DGKZ: variants seen among roughly 807,000 people sequenced by gnomAD.
DGKZ encodes diacylglycerol kinase zeta.
Under a neutral mutation model 142.5 loss-of-function variants are expected in DGKZ, and 45 were observed. The ratio of observed to expected loss-of-function variants is 0.32; its 90% CI spans 0.25 to 0.40. DGKZ has a LOEUF of 0.40. Among genes scored for constraint, DGKZ ranks in the 10% least tolerant of loss-of-function variants. The pLI is 1.00. For missense variants in DGKZ, 755 were observed against 1,306.5 expected (o/e 0.58, Z 6.51); for synonymous variants, 442 against 527.0 (o/e 0.84, Z 2.21).
chr11:46,374,598 C>T lies in DGKZ; in HGVS notation c.1462-6C>T, dbSNP rs1944336422. On this transcript the variant is annotated splice_region_variant and splice_polypyrimidine_tract_variant and intron_variant, in intron 16 of 30. Transcript: ENST00000527911. ...AGCAGATGGTGACGCCCTCTGTCTCCCACAGACAGCTTTCTCTGACTTCCT... is the reference window on the plus strand; with the variant it reads ...AGCAGATGGTGACGCCCTCTGTCTCTCACAGACAGCTTTCTCTGACTTCCT... 6.3e-7 allele frequency: 1 copy of T among 1,583,450 alleles called. No homozygotes were observed. Among genetic ancestry groups the T allele is most frequent in the South Asian group, 1.2e-5 (1 of 86,516 alleles).
intron 1 of DGKZ, among the ~76,000 whole-genome samples, chr11:46,342,200 C>T (rs1382188922): frequency 6.6e-6 from 1 of 152,196 alleles, no homozygotes; most frequent in East Asian, 1.9e-4. Context: ...AGGGCTGGCA[C>T]ATGTTGTCCT....
chr11:46,380,265 G>A (rs1400779838), exon 31 of DGKZ: 8 of 228,822 alleles, frequency 3.5e-5, no homozygotes, highest in Non-Finnish European at 6.9e-5. Context: ...CAGGAGTGGA[G>A]GGGCTGGAGA....
At chr11:46,358,268 A>G (rs980705347) in intron 1 of DGKZ, among the ~76,000 whole-genome samples, 6 of 152,220 alleles carry the variant, frequency 3.9e-5, no homozygotes, top group African/African-American at 9.6e-5. Context: ...CATTAATTTT[A>G]TAAAGTCTAG....
At chr11:46,377,390 C>A in intron 25 of DGKZ, 178 bp downstream of exon 25, 1 of 1,218,768 alleles carries the variant, frequency 8.2e-7, no homozygotes, top group Non-Finnish European at 1.1e-6. Context: ...AGCGGCCTCA[C>A]GTCCACCCTG....
chr11:46,340,815 T>C (rs1940240848), intron 1 of DGKZ, among the ~76,000 whole-genome samples: 1 of 152,166 alleles, frequency 6.6e-6, no homozygotes, highest in Non-Finnish European at 1.5e-5. Flanking sequence ...GGTGCCCAGA[T>C]CACAGGCATA....
chr11:46,355,178 G>A (rs1941853880), intron 1 of DGKZ, among the ~76,000 whole-genome samples: 1 of 151,920 alleles, frequency 6.6e-6, no homozygotes, highest in Admixed American at 6.6e-5. Flanking sequence ...GTGCGATCTC[G>A]GCTCACTGCC....
rs998856773 is a variant in DGKZ at position 46,367,537 on chromosome 11, G to A, written c.271-115G>A. ...ACAGTGGGGCAGACGGAACAGAGCA[G>A]GGTCGATCGGGGCGCTGGAGTGGGT... On this transcript the variant is annotated intron_variant, in intron 2 of 30. Coordinates refer to ENST00000527911, the Ensembl canonical transcript of DGKZ. This position sits in a 1 kb window ranked among gnomAD's most constrained non-coding sequence, Gnocchi z 4.1. 3 of 1,266,108 alleles carry A rather than the reference G, an allele frequency of 2.4e-6. No individual in the cohort carries two copies. In the African/African-American group the frequency reaches 4.5e-5, roughly 19 times the overall value. The allele number at this position is 1,266,108 out of a possible 1,614,324, so 78.4% of individuals were successfully genotyped here.
chr11:46,350,027 T>A (rs1353078723), intron 1 of DGKZ, among the ~76,000 whole-genome samples: 1 of 152,194 alleles, frequency 6.6e-6, no homozygotes, highest in Non-Finnish European at 1.5e-5. Flanking sequence ...GGAGTGTAAG[T>A]GCTCTTATAG....
At chr11:46,335,427 G>GCACACACA (rs56935902) in intron 1 of DGKZ, among the ~76,000 whole-genome samples, 2 of 147,842 alleles carry the variant, frequency 1.4e-5, no homozygotes, top group African/African-American at 2.5e-5. Flanking sequence ...ACACGTGCAC[G>GCACACACA]CACACACACA....
intron 24 of DGKZ, chr11:46,376,784 C>CA: frequency 1.4e-6 from 1 of 695,884 alleles, no homozygotes; most frequent in East Asian, 2.7e-5. Context: ...GGGTACCTAC[C>CA]AAAGGCTTGC....
chr11:46,368,611 A>G (rs1039107520), intron 4 of DGKZ: 43 of 263,664 alleles, frequency 1.6e-4, no homozygotes, highest in Non-Finnish European at 2.5e-4. Context: ...AACCCAGGCC[A>G]TCATACGGGA....
At chr11:46,368,158 T>G in intron 4 of DGKZ, 79 bp downstream of exon 4, 1 of 1,474,710 alleles carries the variant, frequency 6.8e-7, no homozygotes. Flanking sequence ...CACCCACATG[T>G]TATACAAACG....
chr11:46,375,477 C>T lies in DGKZ; in HGVS notation c.1756C>T (p.Arg586Cys), dbSNP rs1944427115. Residue 586 changes from arginine (R) to cysteine (C), a missense_variant, in exon 20 of 31, where the codon CGC becomes TGC. Arg to Cys is a radical substitution (Grantham distance 180). Around this residue, in one of 8 missense-constraint regions of DGKZ, gnomAD observed 191 missense variants for 472.1 expected, o/e 0.40. Transcript: ENST00000527911. ...ACACGGCGAGCGGCTGACGCAGTGT[C>T]GCGAGGTGGTGCTCACCACATCCAA... 1.6e-5 allele frequency: 26 copies of T among 1,584,206 alleles called. No homozygotes were observed. Among genetic ancestry groups the T allele is most frequent in the East Asian group, 2.3e-5 (1 of 43,848 alleles).
At chr11:46,378,605 C>A in intron 27 of DGKZ, 105 bp downstream of exon 27, 1 of 1,435,218 alleles carries the variant, frequency 7.0e-7, no homozygotes. Flanking sequence ...GTGCTGTCAT[C>A]TGTCATCGTC....
chr11:46,378,095 C>CTA lies in DGKZ; in HGVS notation c.2343-103_2343-102insTA. Reference sequence around the variant, plus strand: ...TAGTGCTTGGTGTGTAGCAGGCACTCAATAAACTGTGGAAAGGATGAAGAT... The same window carrying CTA: ...TAGTGCTTGGTGTGTAGCAGGCACTCTAAATAAACTGTGGAAAGGATGAAGAT... On this transcript the variant is annotated intron_variant, in intron 25 of 30. Transcript: ENST00000527911. 3 of 1,434,474 alleles carry CTA rather than the reference C, an allele frequency of 2.1e-6. No homozygotes were observed. The South Asian group carries it at 3.7e-5, about 18-fold the overall frequency. The allele number at this position is 1,434,474 out of a possible 1,614,324, so 88.9% of individuals were successfully genotyped here. A position where few individuals can be genotyped will look rare whatever the true frequency, so the allele number is the denominator to read the frequency against.
upstream of DGKZ, chr11:46,347,321 C>A: frequency 1.0e-6 from 1 of 985,060 alleles, no homozygotes; most frequent in Non-Finnish European, 1.2e-6. This position sits in a 1 kb window ranked among gnomAD's most constrained non-coding sequence, Gnocchi z 6.4. Context: ...GCCCCTCGGA[C>A]CGCCCCAGCG....
At chr11:46,345,389 G>A, upstream of DGKZ, 1 of 1,420,202 alleles carries the variant, frequency 7.0e-7, no homozygotes, top group Non-Finnish European at 9.1e-7. The surrounding 1 kb of genome is among the most constrained non-coding windows in gnomAD (Gnocchi z 4.1). Flanking sequence ...TGCCGAAAGA[G>A]GAAGAGAGTC....
At chr11:46,341,708 G>A (rs1409925877) in intron 1 of DGKZ, among the ~76,000 whole-genome samples, 1 of 152,154 alleles carries the variant, frequency 6.6e-6, no homozygotes, top group African/African-American at 2.4e-5. Context: ...TGGGTCTGAA[G>A]GATGGAGAAT....
Position 46,379,581 on chromosome 11 carries a change from C to G in DGKZ, c.2688+13C>G. 6.3e-7 allele frequency: 1 copy of G among 1,597,168 alleles called. No individual in the cohort carries two copies. Among genetic ancestry groups the G allele is most frequent in the Middle Eastern group, 1.7e-4 (1 of 6,004 alleles). On this transcript the variant is annotated intron_variant, in intron 30 of 30. Coordinates refer to ENST00000527911, the Ensembl canonical transcript of DGKZ. ...GACAGACCAGCAGGTGAGCAGACGG[C>G]AGGCAGGGAGCCCACGAGGGCACCA...
Sources: gnomAD v4.1 joint callset for allele counts (sites outside exome capture counted in the v4.1 genomes callset) on GRCh38, gnomAD v4.1.1 for gene constraint, gnomAD v4.1.1 regional missense constraint, Gnocchi (gnomAD v3.1) non-coding constraint, MANE v1.5 for transcripts, NCBI Gene and HGNC (gene_info 2026-07-23, HGNC 2026-07-21) for gene names.